TBXAS1: variants seen among roughly 807,000 people sequenced by gnomAD.
The protein encoded by TBXAS1 is thromboxane A synthase 1, also known as thromboxane-A synthase.
TBXAS1 carries 48 observed loss-of-function variants against 60.7 expected under a neutral mutation model. The ratio of observed to expected loss-of-function variants is 0.79; its 90% CI spans 0.63 to 1.01. The LOEUF (loss-of-function observed/expected upper bound fraction) is 1.01. TBXAS1 is among the 50% of genes least tolerant of loss of function. TBXAS1 has a pLI of 0.00. For synonymous variants in TBXAS1, 287 were observed against 269.7 expected, an observed-to-expected ratio of 1.06 and a Z score of -0.63; for missense variants, 685 against 686.3, an observed-to-expected ratio of 1.00 and a Z score of 0.02.
intron 1 of TBXAS1, among the ~76,000 whole-genome samples, chr7:139,851,795 G>A (rs1249245598): frequency 6.6e-6 from 1 of 152,222 alleles, no homozygotes; most frequent in African/African-American, 2.4e-5. Context: ...CACAGGTGAT[G>A]TGGTAGACAG....
intron 9 of TBXAS1, among the ~76,000 whole-genome samples, chr7:139,979,935 T>G (rs976486376): frequency 6.6e-6 from 1 of 152,002 alleles, no homozygotes; most frequent in African/African-American, 2.4e-5. Context: ...TTTTGCTTTT[T>G]TTTTTCCTCA....
At chr7:139,848,356 A>T (rs544813546) in intron 1 of TBXAS1, among the ~76,000 whole-genome samples, 35 of 152,244 alleles carry the variant, frequency 2.3e-4, no homozygotes, top group African/African-American at 8.2e-4. Context: ...GTAGAAAAAA[A>T]GTTGTGCATC....
rs1485656417 is a variant in TBXAS1, at chr7:139,975,062, G to A, written c.1134+12829G>A. 6.6e-6 allele frequency among the ~76,000 whole-genome samples: 1 copy of A among 152,242 alleles called. No individual in the cohort carries two copies. ...GGCTGGCAGTTTGGACAACCAGGCA[G>A]GAGTCAATGCAACAGTCTAGACACA... On this transcript the variant is annotated intron_variant, in intron 9 of 12. Coordinates refer to ENST00000448866, the MANE Select transcript of TBXAS1 (RefSeq NM_001061.7). The surrounding 1 kb of genome is among the most constrained non-coding windows in gnomAD (Gnocchi z 4.4).
intron 5 of TBXAS1, among the ~76,000 whole-genome samples, chr7:139,950,653 AGGACTCCCTCACCCTCCATCTACG>A (rs1477735819): frequency 6.7e-6 from 1 of 150,330 alleles, no homozygotes; most frequent in African/African-American, 2.4e-5. Context: ...TTTGATCTAC[AGGACTCCCTCACCCTCCATCTACG>A]GGACCCCCTC....
At chr7:139,850,292 G>A (rs1800123036) in intron 1 of TBXAS1, among the ~76,000 whole-genome samples, 1 of 152,206 alleles carries the variant, frequency 6.6e-6, no homozygotes, top group East Asian at 1.9e-4. Context: ...CTATAAAAAA[G>A]ATGTGCTGAC....
At chr7:139,979,051 T>A (rs1811775502) in intron 9 of TBXAS1, among the ~76,000 whole-genome samples, 1 of 152,226 alleles carries the variant, frequency 6.6e-6, no homozygotes, top group South Asian at 2.1e-4. Context: ...AATTCGATCC[T>A]CTGGCTCCAG....
intron 1 of TBXAS1, among the ~76,000 whole-genome samples, chr7:139,839,445 G>A (rs59027682): frequency 0.07 from 10,602 of 152,086 alleles, 1,226 homozygotes; most frequent in African/African-American, 0.24. Context: ...TAGCTATCTA[G>A]GCAAGTATGT....
At chr7:139,943,405 T>C (rs1401446308) in intron 5 of TBXAS1, among the ~76,000 whole-genome samples, 1 of 152,232 alleles carries the variant, frequency 6.6e-6, no homozygotes, top group Non-Finnish European at 1.5e-5. Context: ...ACTGTTTAAA[T>C]TCTGGTTTAA....
intron 9 of TBXAS1, among the ~76,000 whole-genome samples, chr7:139,974,209 T>A (rs915521634): frequency 6.6e-6 from 1 of 152,062 alleles, no homozygotes; most frequent in African/African-American, 2.4e-5. Context: ...TTCCTTAAAA[T>A]GAACCAACTT....
intron 1 of TBXAS1, among the ~76,000 whole-genome samples, chr7:139,854,073 G>A (rs1450023973): frequency 6.6e-6 from 1 of 152,010 alleles, no homozygotes; most frequent in African/African-American, 2.4e-5. Flanking sequence ...GTGAGAGAAG[G>A]AAGCAAGCAC....
At position 139,815,642 on chromosome 7, in the gene TBXAS1, C is replaced by A. The variant is rs554247173; in HGVS notation, c.-79-13670C>A. Reference sequence around the variant, plus strand: ...GCCATATTGAGAGAAAGGAACACTTCTCAGTTCCTGCAGAAACTTGAAGAA... The same window carrying A: ...GCCATATTGAGAGAAAGGAACACTTATCAGTTCCTGCAGAAACTTGAAGAA... On this transcript the variant is annotated intron_variant, in intron 4 of 16. Transcript: ENST00000336425. Among the ~76,000 whole-genome samples, 7 of 152,290 alleles carry A rather than the reference C, an allele frequency of 4.6e-5. 1 individual carries two copies. Among genetic ancestry groups the A allele is most frequent in the African/African-American group, 1.7e-4 (7 of 41,564 alleles).
rs371815545 is a variant in TBXAS1, at chr7:139,993,648, G to A, written c.1135-13443G>A. On this transcript the variant is annotated intron_variant, in intron 9 of 12. Coordinates refer to ENST00000448866, the MANE Select transcript of TBXAS1 (RefSeq NM_001061.7). ...CACTAAAAATCCCATCTAGCTATGG[G>A]ATGCCTAGTTTCTCCTCCTGGATTT... Among the ~76,000 whole-genome samples, 51 of 152,256 alleles carry A rather than the reference G, an allele frequency of 3.3e-4. 1 individual carries two copies. In the South Asian group the frequency reaches 0.011, roughly 32 times the overall value.
chr7:139,972,152 C>T lies in TBXAS1; in HGVS notation c.1134+9919C>T, dbSNP rs1811249511. Among the ~76,000 whole-genome samples, 3 of 152,212 alleles carry T rather than the reference C, an allele frequency of 2.0e-5. No homozygotes were observed. The South Asian group carries it at 6.2e-4, about 32-fold the overall frequency. On this transcript the variant is annotated intron_variant, in intron 9 of 12. Transcript: ENST00000448866. ...AGCAATTAATGCCCCAAGTCCCCCT[C>T]CCCCTGAGTCCCTGCAGAGCAGAGG...
At chr7:139,992,285 T>C (rs1052908356) in intron 9 of TBXAS1, among the ~76,000 whole-genome samples, 1 of 152,250 alleles carries the variant, frequency 6.6e-6, no homozygotes, top group Non-Finnish European at 1.5e-5. Flanking sequence ...ATCAAGGCTC[T>C]GAGGCATGTG....
chr7:139,950,918 T>C (rs1411819373), intron 5 of TBXAS1, among the ~76,000 whole-genome samples: 1 of 151,306 alleles, frequency 6.6e-6, no homozygotes, highest in East Asian at 2.0e-4. Context: ...AGCAGAGGAG[T>C]TGGGCCCCTG....
chr7:139,937,417 C>T (rs1584896826), intron 5 of TBXAS1, among the ~76,000 whole-genome samples: 1 of 152,302 alleles, frequency 6.6e-6, no homozygotes, highest in South Asian at 2.1e-4. Context: ...CTGAAGTCCC[C>T]CAGAAGAGGA....
intron 9 of TBXAS1, among the ~76,000 whole-genome samples, chr7:139,973,280 G>A (rs1355856812): frequency 6.6e-6 from 1 of 152,160 alleles, no homozygotes; most frequent in East Asian, 1.9e-4. Context: ...CCGCTGCTAT[G>A]GTCCGCCTCC....
chr7:139,952,429 T>TA, intron 5 of TBXAS1: 1 of 1,190,330 alleles, frequency 8.4e-7, no homozygotes, highest in East Asian at 2.7e-5. Flanking sequence ...AATCTAAACA[T>TA]AGGTTACATT....
chr7:139,890,370 T>C (rs996965768), intron 3 of TBXAS1, among the ~76,000 whole-genome samples: 8 of 151,570 alleles, frequency 5.3e-5, no homozygotes, highest in Non-Finnish European at 1.2e-4. Flanking sequence ...CGCCCGCCAC[T>C]GCGCCCGGCT....
Sources: gnomAD v4.1 joint callset for allele counts (sites outside exome capture counted in the v4.1 genomes callset) on GRCh38, gnomAD v4.1.1 for gene constraint, Gnocchi (gnomAD v3.1) non-coding constraint, MANE v1.5 for transcripts, NCBI Gene and HGNC (gene_info 2026-07-23, HGNC 2026-07-21) for gene names.